The following STXBP5L variants were observed in gnomAD, a reference collection of about 807,000 sequenced individuals.
The protein encoded by STXBP5L is syntaxin binding protein 5L.
In STXBP5L, 65 loss-of-function variants were observed where a neutral mutation model predicts 144.5. The ratio of observed to expected loss-of-function variants is 0.45; its 90% confidence interval spans 0.37 to 0.55. The LOEUF is 0.55. STXBP5L is among the 20% of genes least tolerant of loss of function. STXBP5L has a pLI of 0.00. For missense variants in STXBP5L, 1,298 were observed against 1,405.5 expected, an observed-to-expected ratio of 0.92 and a Z score of 1.22; for synonymous variants, 505 against 469.6, an observed-to-expected ratio of 1.08 and a Z score of -0.97.
At chr3:120,938,276 A>G (rs1710371758) in intron 2 of STXBP5L, among the ~76,000 whole-genome samples, 1 of 152,118 alleles carries the variant, frequency 6.6e-6, no homozygotes, top group South Asian at 2.1e-4. Context: ...TTTTTTATAT[A>G]TGGTTAAGTG....
At chr3:121,027,927 A>AT (rs998470498) in intron 3 of STXBP5L, among the ~76,000 whole-genome samples, 10 of 151,524 alleles carry the variant, frequency 6.6e-5, no homozygotes, top group Non-Finnish European at 1.0e-4. Context: ...TATTAGTTTG[A>AT]TTTTTTCTAC....
In STXBP5L at chr3:121,050,756, G is replaced by C. The variant is rs551928201; in HGVS notation, c.470+5221G>C. Among the ~76,000 whole-genome samples the C allele has an allele frequency of 5.3e-5, 8 of 152,222 alleles. No homozygotes were observed. The East Asian group carries it at 1.4e-3, about 26-fold the overall frequency. On this transcript the variant is annotated intron_variant, in intron 5 of 26. Coordinates refer to ENST00000471454, the MANE Select transcript of STXBP5L (RefSeq NM_001308330.2). Reference sequence around the variant, plus strand: ...ACAATATTAACTTTCAATATAAATGGACTAAATGCTCCAATTAAAAGACAC... The same window carrying C: ...ACAATATTAACTTTCAATATAAATGCACTAAATGCTCCAATTAAAAGACAC...
chr3:121,129,945 A>G (rs999740925), intron 7 of STXBP5L, among the ~76,000 whole-genome samples: 9 of 152,096 alleles, frequency 5.9e-5, no homozygotes, highest in Non-Finnish European at 7.4e-5. Flanking sequence ...AAATTAAAGC[A>G]TAAGCAATTT....
chr3:121,203,997 G>A (rs1041951383), intron 9 of STXBP5L, among the ~76,000 whole-genome samples: 2 of 152,114 alleles, frequency 1.3e-5, no homozygotes, highest in Non-Finnish European at 2.9e-5. Flanking sequence ...CCAGCACTTT[G>A]GGAGGCTGAG....
At chr3:120,979,642 C>T (rs992335436) in intron 3 of STXBP5L, among the ~76,000 whole-genome samples, 1 of 152,212 alleles carries the variant, frequency 6.6e-6, no homozygotes, top group Admixed American at 6.5e-5. Flanking sequence ...TTCTGCGTCG[C>T]TCACACTGGG....
At chr3:121,147,123 A>G (rs1050021490) in intron 7 of STXBP5L, among the ~76,000 whole-genome samples, 6 of 152,128 alleles carry the variant, frequency 3.9e-5, no homozygotes, top group African/African-American at 1.4e-4. Flanking sequence ...GTTGACACAT[A>G]TAATACATTA....
At chr3:121,218,016 T>C (rs1387792202) in intron 10 of STXBP5L, among the ~76,000 whole-genome samples, 1 of 144,462 alleles carries the variant, frequency 6.9e-6, no homozygotes, top group South Asian at 2.1e-4. Context: ...ATAATATATA[T>C]ACTATAGTAT....
chr3:121,392,774 T>TATATATATATAC (rs2046624275), intron 22 of STXBP5L, among the ~76,000 whole-genome samples: 1 of 31,530 alleles, frequency 3.2e-5, no homozygotes, highest in East Asian at 2.5e-3. Context: ...TCATGGCATA[T>TATATATATATAC]ATATATATAT....
intron 20 of STXBP5L, among the ~76,000 whole-genome samples, chr3:121,329,631 C>T (rs943630620): frequency 3.3e-5 from 5 of 152,058 alleles, no homozygotes; most frequent in Admixed American, 3.3e-4. Context: ...GAGGCTGAGG[C>T]GGGAGGATTG....
intron 5 of STXBP5L, among the ~76,000 whole-genome samples, chr3:121,110,106 C>T (rs537088354): frequency 5.9e-4 from 89 of 152,136 alleles, no homozygotes; most frequent in Non-Finnish European, 1.2e-3. Flanking sequence ...TGTGTCCCTG[C>T]ATGTGAGAAG....
At chr3:121,223,296 A>G in intron 11 of STXBP5L, 139 bp downstream of exon 11, 3 of 816,348 alleles carry the variant, frequency 3.7e-6, no homozygotes, top group Non-Finnish European at 5.5e-6. Context: ...CAGGTTCTGC[A>G]ACTGTACCTA....
chr3:121,134,722 A>G (rs1185681535), intron 7 of STXBP5L, among the ~76,000 whole-genome samples: 12 of 152,290 alleles, frequency 7.9e-5, no homozygotes, highest in Non-Finnish European at 5.9e-5. Context: ...ATGTCCCTGC[A>G]AAGGACATGA....
chr3:121,101,281 C>T (rs966049520), intron 5 of STXBP5L, among the ~76,000 whole-genome samples: 2 of 151,878 alleles, frequency 1.3e-5, no homozygotes, highest in Admixed American at 1.3e-4. Context: ...CTGGCAAAGA[C>T]ACAATGAAAA....
intron 3 of STXBP5L, among the ~76,000 whole-genome samples, chr3:121,000,098 A>T (rs183833031): frequency 1.3e-5 from 2 of 152,168 alleles, no homozygotes; most frequent in East Asian, 3.9e-4. Flanking sequence ...GGGGGTGGTC[A>T]TCTTGCATAG....
chr3:120,935,359 G>T (rs1441748189), intron 2 of STXBP5L, among the ~76,000 whole-genome samples: 1 of 150,444 alleles, frequency 6.6e-6, no homozygotes, highest in Non-Finnish European at 1.5e-5. Context: ...TAATCACCAA[G>T]TACATTGTTG....
intron 19 of STXBP5L, among the ~76,000 whole-genome samples, chr3:121,297,579 C>A (rs2051708185): frequency 6.6e-6 from 1 of 152,082 alleles, no homozygotes; most frequent in South Asian, 2.1e-4. Context: ...CATGGTGAAA[C>A]CCTGCCTCTA....
chr3:121,313,342 G>A (rs1350308220), intron 19 of STXBP5L, among the ~76,000 whole-genome samples: 2 of 139,572 alleles, frequency 1.4e-5, no homozygotes, highest in African/African-American at 5.5e-5. Flanking sequence ...CCGGGCGGGG[G>A]GCTGACCCCC....
chr3:120,976,530 A>G (rs376979103), intron 3 of STXBP5L, among the ~76,000 whole-genome samples: 6 of 151,766 alleles, frequency 4.0e-5, no homozygotes, highest in Non-Finnish European at 7.4e-5. Context: ...AGGGTTTTTT[A>G]TGTCTCTATC....
chr3:121,112,324 C>A (rs1296921030), intron 5 of STXBP5L, among the ~76,000 whole-genome samples: 1 of 152,108 alleles, frequency 6.6e-6, no homozygotes, highest in Non-Finnish European at 1.5e-5. Context: ...TGCACAGATT[C>A]GTGGAAAAAG....
Sources: gnomAD v4.1 joint callset for allele counts (sites outside exome capture counted in the v4.1 genomes callset) on GRCh38, gnomAD v4.1.1 for gene constraint, MANE v1.5 for transcripts, NCBI Gene and HGNC (gene_info 2026-07-23, HGNC 2026-07-21) for gene names.